The following GNG10 variants were observed in gnomAD, a reference collection of about 807,000 sequenced individuals.
GNG10 encodes guanine nucleotide-binding protein G(I)/G(S)/G(O) subunit gamma-10.
In GNG10, 7 loss-of-function variants were observed where a neutral mutation model predicts 6.8. The observed-to-expected ratio is 1.02, with a 90% confidence interval of 0.58 to 1.92. GNG10 has a LOEUF of 1.92. Ranked by LOEUF, GNG10 falls within the 30% of genes most tolerant of loss-of-function variation. GNG10 has a pLI of 0.00. For missense variants in GNG10, 57 were observed against 86.1 expected (o/e 0.66, Z 1.34); for synonymous variants, 28 against 34.8 (o/e 0.80, Z 0.69).
At chr9:111,665,283 GAAGAT>G (rs753180963) in intron 1 of GNG10, among the ~76,000 whole-genome samples, 7 of 151,980 alleles carry the variant, frequency 4.6e-5, no homozygotes, top group Non-Finnish European at 7.4e-5. Flanking sequence ...GCATCAAATG[GAAGAT>G]AAGAAAAGGG....
chr9:111,666,139 T>C (rs1171956027), intron 1 of GNG10, among the ~76,000 whole-genome samples: 1 of 152,170 alleles, frequency 6.6e-6, no homozygotes, highest in African/African-American at 2.4e-5. Context: ...AATGTATTGC[T>C]ATATGTTAGC....
At chr9:111,666,130 A>T (rs552069661) in intron 1 of GNG10, among the ~76,000 whole-genome samples, 6 of 152,256 alleles carry the variant, frequency 3.9e-5, no homozygotes, top group African/African-American at 1.4e-4. Context: ...TCTACCACAA[A>T]TGTATTGCTA....
chr9:111,666,313 A>G (rs1003879953), intron 1 of GNG10, among the ~76,000 whole-genome samples: 6 of 152,176 alleles, frequency 3.9e-5, no homozygotes, highest in Non-Finnish European at 8.8e-5. Flanking sequence ...ATTTGAGTCC[A>G]CGCAGTCTGG....
Position 111,661,661 on chromosome 9 carries a change from C to A in GNG10, c.27C>A (p.Ala9=). The A allele has an allele frequency of 7.3e-7, 1 of 1,377,908 alleles. No individual in the cohort carries two copies. The highest frequency in any genetic ancestry group is 1.5e-5 in the South Asian group (1 of 67,274). 85.4% of individuals were successfully genotyped at this position (1,377,908 alleles called of 1,614,324 possible). A position where few individuals can be genotyped will look rare whatever the true frequency, so the allele number is the denominator to read the frequency against. MSSGASAS[A]LQRLVEQLKL... ...TGTCCTCCGGGGCTAGCGCGAGCGC[C>A]CTGCAGCGCTTGGTAGAGCAGCTCA... The change falls in exon 1 of 3, where the codon GCC becomes GCA. Residue 9 remains alanine (A), a synonymous_variant. Transcript: ENST00000374293. The surrounding 1 kb of genome is among the most constrained non-coding windows in gnomAD (Gnocchi z 6.1).
intron 1 of GNG10, among the ~76,000 whole-genome samples, chr9:111,665,690 A>G (rs1830885087): frequency 6.6e-6 from 1 of 151,882 alleles, no homozygotes. Flanking sequence ...CTTTATTTCT[A>G]CCACATTCTA....
intron 1 of GNG10, among the ~76,000 whole-genome samples, chr9:111,665,893 A>G (rs1055823717): frequency 1.6e-5 from 2 of 121,874 alleles, no homozygotes; most frequent in African/African-American, 6.5e-5. Flanking sequence ...CACCCGGTTA[A>G]TTTTTTTTTT....
At chr9:111,662,498 C>T (rs1830838632) in intron 1 of GNG10, among the ~76,000 whole-genome samples, 2 of 152,128 alleles carry the variant, frequency 1.3e-5, no homozygotes, top group African/African-American at 4.8e-5. Flanking sequence ...TTTCCAAAAA[C>T]TGGGGGCTCA....
At chr9:111,664,695 G>A (rs4979032) in intron 1 of GNG10, among the ~76,000 whole-genome samples, 57,780 of 151,840 alleles carry the variant, frequency 0.38, 11,916 homozygotes, top group African/African-American at 0.54. Context: ...TGCTGATCAC[G>A]TTTACTCTTC....
At chr9:111,662,644 T>G (rs3824465) in intron 1 of GNG10, among the ~76,000 whole-genome samples, 130,772 of 151,608 alleles carry the variant, frequency 0.86, 56,794 homozygotes, top group African/African-American at 0.95. Context: ...CCTCAGTTTC[T>G]CCTTTGCTGT....
rs1830975416 is a variant in GNG10 at position 111,670,164 on chromosome 9, A to G, written c.*902A>G. 1 of 152,666 alleles carries G rather than the reference A, an allele frequency of 6.6e-6. No homozygotes were observed. Among genetic ancestry groups the G allele is most frequent in the African/African-American group, 2.4e-5 (1 of 41,462 alleles). 9.5% of individuals were successfully genotyped at this position (152,666 alleles called of 1,614,324 possible). ...TAATTTGGGACACTTTTTTAGAAGG[A>G]TACATTATTCGTGTTTGCAACGGTC... On this transcript the variant is annotated 3_prime_UTR_variant, in exon 3 of 3. Coordinates refer to ENST00000374293, the MANE Select transcript of GNG10 (RefSeq NM_001017998.4).
At chr9:111,666,077 T>G (rs1015014049) in intron 1 of GNG10, among the ~76,000 whole-genome samples, 1 of 152,084 alleles carries the variant, frequency 6.6e-6, no homozygotes, top group African/African-American at 2.4e-5. Context: ...AGACTCTACC[T>G]CTTCGTGGAA....
At chr9:111,668,657 G>A (rs986653713) in intron 2 of GNG10, among the ~76,000 whole-genome samples, 3 of 151,564 alleles carry the variant, frequency 2.0e-5, no homozygotes, top group African/African-American at 7.3e-5. Context: ...GCTAATTTTT[G>A]TATGTTTAGG....
At position 111,666,764 on chromosome 9, in the gene GNG10, C is replaced by T. The variant is rs376319440; in HGVS notation, c.82-51C>T. ...TCGTTTTCAGAATATCCTTGACTGC[C>T]GGGTGGCTTGGCTGTGAGCAGGGTG... On this transcript the variant is annotated intron_variant, in intron 1 of 2. Coordinates refer to ENST00000374293, the MANE Select transcript of GNG10 (RefSeq NM_001017998.4). The T allele has an allele frequency of 1.5e-4, 238 of 1,585,170 alleles. 1 individual carries two copies. In the African/African-American group the frequency reaches 1.9e-3, roughly 13 times the overall value.
intron 1 of GNG10, 49 bp from the exon 2 acceptor site, chr9:111,666,766 G>T (rs1192364148): frequency 4.4e-6 from 7 of 1,586,324 alleles, no homozygotes; most frequent in Non-Finnish European, 6.0e-6. Flanking sequence ...TTGACTGCCG[G>T]GTGGCTTGGC....
Position 111,661,755 on chromosome 9 carries a change from G to A in GNG10, c.81+40G>A, listed in dbSNP as rs771595254. On this transcript the variant is annotated intron_variant, in intron 1 of 2. Coordinates refer to ENST00000374293, the MANE Select transcript of GNG10 (RefSeq NM_001017998.4). This position sits in a 1 kb window ranked among gnomAD's most constrained non-coding sequence, Gnocchi z 6.1. ...TACCCACGCTCCGGTCCTTCCGCCCGCGGGGCGTGAGAAGAGGAGGCCGGC... is the reference window on the plus strand; with the variant it reads ...TACCCACGCTCCGGTCCTTCCGCCCACGGGGCGTGAGAAGAGGAGGCCGGC... 49 of 1,216,994 alleles carry A rather than the reference G, an allele frequency of 4.0e-5. No homozygotes were observed. The highest frequency in any genetic ancestry group is 4.6e-5 in the Non-Finnish European group (43 of 942,186). 75.4% of individuals were successfully genotyped at this position (1,216,994 alleles called of 1,614,324 possible).
At chr9:111,666,765 G>A (rs768418531) in intron 1 of GNG10, 50 bp from the exon 2 acceptor site, 42 of 1,584,038 alleles carry the variant, frequency 2.7e-5, no homozygotes, top group South Asian at 1.4e-4. Context: ...CTTGACTGCC[G>A]GGTGGCTTGG....
intron 1 of GNG10, among the ~76,000 whole-genome samples, chr9:111,665,474 G>A (rs1274337739): frequency 6.6e-6 from 1 of 152,140 alleles, no homozygotes; most frequent in Non-Finnish European, 1.5e-5. Flanking sequence ...AGTGTTAACT[G>A]GTGTTGGCTG....
At chr9:111,665,893 A>AT (rs571066443) in intron 1 of GNG10, among the ~76,000 whole-genome samples, 5,773 of 121,838 alleles carry the variant, frequency 0.047, 461 homozygotes, top group African/African-American at 0.17. Flanking sequence ...CACCCGGTTA[A>AT]TTTTTTTTTT....
intron 1 of GNG10, among the ~76,000 whole-genome samples, chr9:111,662,913 T>A (rs1420626086): frequency 6.6e-6 from 1 of 152,102 alleles, no homozygotes; most frequent in Non-Finnish European, 1.5e-5. Context: ...TTTTTTTAAC[T>A]TAGGAAATGA....
Sources: allele counts gnomAD v4.1 joint callset (sites outside exome capture counted in the v4.1 genomes callset), GRCh38; gene constraint gnomAD v4.1.1; non-coding constraint Gnocchi (gnomAD v3.1); transcripts MANE v1.5; gene names NCBI Gene and HGNC (gene_info 2026-07-23, HGNC 2026-07-21).